The following EFCAB10 variants were observed in gnomAD, a reference collection of about 807,000 sequenced individuals.
The protein encoded by EFCAB10 is EF-hand calcium-binding domain-containing protein 10.
Under a neutral mutation model 7.7 loss-of-function variants are expected in EFCAB10, and 7 were observed. The ratio of observed to expected loss-of-function variants is 0.91; its 90% CI spans 0.52 to 1.72. The LOEUF is 1.72. EFCAB10 is among the 40% of genes most tolerant of loss of function. EFCAB10 has a pLI of 0.00. For missense variants in EFCAB10, 112 were observed against 61.5 expected (o/e 1.82, Z -2.74); for synonymous variants, 52 against 21.0 (o/e 2.47, Z -4.03).
intron 1 of EFCAB10, among the ~76,000 whole-genome samples, chr7:105,575,402 A>G (rs992329810): frequency 3.3e-5 from 5 of 152,058 alleles, no homozygotes; most frequent in Non-Finnish European, 5.9e-5. Context: ...TTTGCCTCCC[A>G]GGTTCAACTG....
At chr7:105,578,641 C>T (rs914644178) in intron 1 of EFCAB10, among the ~76,000 whole-genome samples, 55 of 152,134 alleles carry the variant, frequency 3.6e-4, no homozygotes, top group African/African-American at 1.3e-3. Context: ...AATAAACTTG[C>T]CTCATAGCCA....
chr7:105,581,280 AT>A, intron 1 of EFCAB10, 77 bp downstream of exon 1: 1 of 673,532 alleles, frequency 1.5e-6, no homozygotes, highest in Non-Finnish European at 2.7e-6. Context: ...TGGAAAGCGA[AT>A]GTGTAAGAGG....
intron 3 of EFCAB10, among the ~76,000 whole-genome samples, chr7:105,568,878 A>C (rs1791861015): frequency 6.9e-6 from 1 of 145,786 alleles, no homozygotes; most frequent in Non-Finnish European, 1.5e-5. Context: ...TGAACCCGGG[A>C]GGTGGAGGTT....
intron 1 of EFCAB10, chr7:105,573,502 A>G (rs1429862166): frequency 6.6e-6 from 1 of 152,218 alleles, no homozygotes; most frequent in Non-Finnish European, 1.5e-5. Context: ...GGAGACTACA[A>G]TTTATACTCT....
chr7:105,581,419 T>C lies in EFCAB10; in HGVS notation c.45A>G (p.Glu15=). The change falls in exon 1 of 5, where the codon GAA becomes GAG. Residue 15 remains glutamate (E), a synonymous_variant. Coordinates refer to ENST00000480514, the MANE Select transcript of EFCAB10 (RefSeq NM_001355526.2). ...TAACCACCTCCTTGATCTGATGCTT[T>C]TCCAAATACTCCGCGGCTTGGAGCT... is the stretch of plus-strand genomic sequence containing the variant. ...SRELQAAEYL[E]KHQIKEVVSY... 1.4e-6 allele frequency: 1 copy of C among 703,116 alleles called. No individual in the cohort carries two copies. The highest frequency in any genetic ancestry group is 2.7e-5 in the East Asian group (1 of 37,286). 43.6% of individuals were successfully genotyped at this position (703,116 alleles called of 1,614,324 possible).
In EFCAB10 at chr7:105,569,191, A is replaced by G; in HGVS notation, c.359+12T>C. ...CCTTATTAAAATATTTGTCACTTAA[A>G]AATAAACTTACACTTCCTCCTTGAA... On this transcript the variant is annotated intron_variant, in intron 3 of 4. Coordinates refer to ENST00000480514, the MANE Select transcript of EFCAB10 (RefSeq NM_001355526.2). 1.4e-6 allele frequency: 1 copy of G among 699,910 alleles called. No individual in the cohort carries two copies. The highest frequency in any genetic ancestry group is 2.6e-6 in the Non-Finnish European group (1 of 384,818). 43.4% of individuals were successfully genotyped at this position (699,910 alleles called of 1,614,324 possible).
chr7:105,566,761 T>C (rs1791769371), intron 4 of EFCAB10: 1 of 156,406 alleles, frequency 6.4e-6, no homozygotes, highest in African/African-American at 2.4e-5. Context: ...TAAAATTTAT[T>C]TTAATGTTCT....
rs1422592143 is a variant in EFCAB10, at chr7:105,575,121, A to T, written c.107-5550T>A. Among the ~76,000 whole-genome samples, 196 of 151,168 alleles carry T rather than the reference A, an allele frequency of 1.3e-3. 1 individual carries two copies. Among genetic ancestry groups the T allele is most frequent in the African/African-American group, 4.5e-3 (187 of 41,284 alleles). On this transcript the variant is annotated intron_variant, in intron 1 of 4. Coordinates refer to ENST00000480514, the MANE Select transcript of EFCAB10 (RefSeq NM_001355526.2). The stretch of plus-strand genomic sequence containing the variant: ...CAACAGCGAAACTCTGTCTCAAAAA[A>T]AAAAAAAAAAAGTGGCCATCAGATC...
In EFCAB10 at chr7:105,568,953, GAAAA is replaced by G. The variant is rs55730992; in HGVS notation, c.359+246_359+249del. On this transcript the variant is annotated intron_variant, in intron 3 of 4. Transcript: ENST00000480514. ...CAACAGAGCAAGACTCCATCTCAGG[GAAAA>G]AAAAAAAAAAAAAAAGAATGGAGCT... is the stretch of plus-strand genomic sequence containing the variant. 3.3e-5 allele frequency among the ~76,000 whole-genome samples: 4 copies of G among 121,746 alleles called. No individual in the cohort carries two copies. The East Asian group carries it at 7.2e-4, about 22-fold the overall frequency. The allele number at this position is 121,746 out of a possible 152,430, so 79.9% of individuals were successfully genotyped here.
intron 1 of EFCAB10, chr7:105,572,329 G>A (rs1397025510): frequency 6.6e-6 from 1 of 151,894 alleles, no homozygotes; most frequent in African/African-American, 2.4e-5. Flanking sequence ...TTCACTTAAT[G>A]TTTTCTAGGT....
At chr7:105,580,721 T>C (rs1479427503) in intron 1 of EFCAB10, among the ~76,000 whole-genome samples, 2 of 152,168 alleles carry the variant, frequency 1.3e-5, no homozygotes, top group South Asian at 2.1e-4. Flanking sequence ...GGACGCTCCA[T>C]ATGGAGGTCG....
intron 4 of EFCAB10, 23 bp from the exon 5 acceptor site, chr7:105,565,470 A>T: frequency 1.2e-6 from 2 of 1,612,438 alleles, no homozygotes; most frequent in African/African-American, 1.3e-5. Flanking sequence ...AAGTAAGAAT[A>T]GACTGTTTTT....
intron 1 of EFCAB10, 63 bp downstream of exon 1, chr7:105,581,295 G>T: frequency 1.4e-6 from 1 of 690,132 alleles, no homozygotes; most frequent in East Asian, 2.7e-5. Flanking sequence ...TAAGAGGGGG[G>T]TTTCGTGTGG....
At chr7:105,571,839 A>T (rs1342133239) in intron 1 of EFCAB10, 3 of 146,864 alleles carry the variant, frequency 2.0e-5, no homozygotes, top group Middle Eastern at 3.2e-3. Context: ...CTTAAAAAAA[A>T]TCTTTAAAGG....
chr7:105,577,454 T>A (rs1024344605), intron 1 of EFCAB10, among the ~76,000 whole-genome samples: 1 of 152,216 alleles, frequency 6.6e-6, no homozygotes, highest in Admixed American at 6.5e-5. Context: ...GTGGTTTTAC[T>A]GTGGATTATG....
chr7:105,570,240 AATATATATAT>A (rs1190599721), intron 1 of EFCAB10, among the ~76,000 whole-genome samples: 9 of 24,906 alleles, frequency 3.6e-4, no homozygotes, highest in African/African-American at 4.3e-4. Flanking sequence ...AAAAAAAAAA[AATATATATAT>A]ATATATATAT....
In EFCAB10 at chr7:105,565,290, C is replaced by T. The variant is rs1199981077; in HGVS notation, c.*157G>A. 1.3e-6 allele frequency: 2 copies of T among 1,590,104 alleles called. No homozygotes were observed. On this transcript the variant is annotated 3_prime_UTR_variant, in exon 5 of 5. Coordinates refer to ENST00000480514, the MANE Select transcript of EFCAB10 (RefSeq NM_001355526.2). Reference sequence around the variant, plus strand: ...TGTTTTTTCCAGATGGTTGTCCTTGCCATCTCAGTCAGAGCAGGCAGTGAT... The same window carrying T: ...TGTTTTTTCCAGATGGTTGTCCTTGTCATCTCAGTCAGAGCAGGCAGTGAT...
chr7:105,577,333 T>C (rs1204616957), intron 1 of EFCAB10, among the ~76,000 whole-genome samples: 1 of 152,078 alleles, frequency 6.6e-6, no homozygotes, highest in Non-Finnish European at 1.5e-5. Flanking sequence ...ACATGCAAGA[T>C]AGGGAGGAGA....
intron 1 of EFCAB10, among the ~76,000 whole-genome samples, chr7:105,576,744 G>A (rs118005695): frequency 2.6e-5 from 4 of 152,142 alleles, no homozygotes; most frequent in African/African-American, 4.8e-5. Flanking sequence ...GCGCCTAGCC[G>A]GAATTCTCAT....
Sources: gnomAD v4.1 joint callset for allele counts (sites outside exome capture counted in the v4.1 genomes callset) on GRCh38, gnomAD v4.1.1 for gene constraint, MANE v1.5 for transcripts, NCBI Gene and HGNC (gene_info 2026-07-23, HGNC 2026-07-21) for gene names.